PON2: variants seen among roughly 807,000 people sequenced by gnomAD.
PON2 encodes serum paraoxonase/arylesterase 2.
A neutral mutation model predicts 36.6 loss-of-function variants in PON2; 27 were observed. That is an observed-to-expected ratio of 0.74 (90% CI 0.54 to 1.02). PON2 has a LOEUF of 1.02. Among genes scored for constraint, PON2 ranks in the 50% least tolerant of loss-of-function variants. The probability of loss-of-function intolerance (pLI) is 0.00; values close to 1 mark genes in which losing one functional copy is unlikely to be tolerated. For missense variants in PON2, 363 were observed against 421.1 expected (o/e 0.86, Z 1.21); for synonymous variants, 149 against 156.3 (o/e 0.95, Z 0.35).
In PON2 at chr7:95,407,529, A is replaced by C. The variant is rs561105347; in HGVS notation, c.696-461T>G. ...TTAATACATAGCGAATTTTAAGAGT[A>C]AGAGATAAGTATCAATGCAGAATAA... On this transcript the variant is annotated intron_variant, in intron 6 of 8. Transcript: ENST00000222572. Among the ~76,000 whole-genome samples the C allele has an allele frequency of 1.9e-4, 29 of 152,340 alleles. No homozygotes were observed. The South Asian group carries it at 6.0e-3, about 32-fold the overall frequency.
chr7:95,424,597 A>G lies in PON2; in HGVS notation c.75-12T>C, dbSNP rs1391461548. ...CTTTAAGTCGATTTCTGTTACAAAG[A>G]AAAAAAAACAAAAAACAAAAAACTA... On this transcript the variant is annotated splice_polypyrimidine_tract_variant and intron_variant, in intron 1 of 8. Transcript: ENST00000222572. 8 of 1,595,626 alleles carry G rather than the reference A, an allele frequency of 5.0e-6. No individual in the cohort carries two copies. In the East Asian group the frequency reaches 6.7e-5, roughly 13 times the overall value.
Position 95,405,412 on chromosome 7 carries a change from T to C in PON2, c.983A>G (p.Gln328Arg), listed in dbSNP as rs1237910610. The C allele has an allele frequency of 1.9e-6, 3 of 1,613,804 alleles. No individual in the cohort carries two copies. Among genetic ancestry groups the C allele is most frequent in the Non-Finnish European group, 2.5e-6 (3 of 1,179,718 alleles). The change falls in exon 9 of 9, where the codon CAA becomes CGA. Residue 328 changes from glutamine to arginine, a missense_variant. Physicochemically the swap from Gln to Arg is conservative, Grantham distance 43 (BLOSUM62 1). Transcript: ENST00000222572. ...TVYANNGSVL[Q>R]GSSVASVYDG... ...ATACACTGAGGCTACAGAACTTCCT[T>C]GGAGAACAGACCCATTGTTGGCATA...
chr7:95,410,259 T>C (rs1039433909), intron 5 of PON2, among the ~76,000 whole-genome samples, 158 bp from the exon 6 acceptor site: 2 of 152,226 alleles, frequency 1.3e-5, no homozygotes, highest in African/African-American at 4.8e-5. Flanking sequence ...TACAATATAC[T>C]ATAATATTGT....
chr7:95,406,391 A>C, intron 7 of PON2, 144 bp from the exon 8 acceptor site: 6 of 896,984 alleles, frequency 6.7e-6, no homozygotes, highest in Non-Finnish European at 8.6e-6. Flanking sequence ...GCTTAAAAGG[A>C]ATGTATTAAA....
chr7:95,405,023 A>G lies in PON2; in HGVS notation c.*307T>C. On this transcript the variant is annotated 3_prime_UTR_variant, in exon 9 of 9. Transcript: ENST00000222572. Reference sequence around the variant, plus strand: ...ATTTTAAGGAAATATAATTCACTCTATTTCAGTGGAATCCATGTTCTGGCA... The same window carrying G: ...ATTTTAAGGAAATATAATTCACTCTGTTTCAGTGGAATCCATGTTCTGGCA... 3.1e-6 allele frequency: 1 copy of G among 321,458 alleles called. No homozygotes were observed. Among genetic ancestry groups the G allele is most frequent in the Non-Finnish European group, 6.0e-6 (1 of 166,510 alleles). 19.9% of individuals were successfully genotyped at this position (321,458 alleles called of 1,614,324 possible).
At chr7:95,427,627 T>C (rs10259688) in intron 1 of PON2, among the ~76,000 whole-genome samples, 26,477 of 152,160 alleles carry the variant, frequency 0.17, 2,422 homozygotes, top group East Asian at 0.31. Flanking sequence ...AATGAAAATA[T>C]ATGAAGAACC....
Position 95,412,160 on chromosome 7 carries a change from G to T in PON2, c.367+152C>A. 3.8e-6 allele frequency: 4 copies of T among 1,049,700 alleles called. No homozygotes were observed. In the Admixed American group the frequency reaches 8.5e-5, roughly 22 times the overall value. The allele number at this position is 1,049,700 out of a possible 1,614,324, so 65.0% of individuals were successfully genotyped here. A position where few individuals can be genotyped will look rare whatever the true frequency, so the allele number is the denominator to read the frequency against. On this transcript the variant is annotated intron_variant, in intron 4 of 8. Coordinates refer to ENST00000222572, the MANE Select transcript of PON2 (RefSeq NM_000305.3). ...GCATAACTTACTGCCAGCTGAAGAGGCAAATGAACAAGTTCTTTGTAATGA... is the reference window on the plus strand; with the variant it reads ...GCATAACTTACTGCCAGCTGAAGAGTCAAATGAACAAGTTCTTTGTAATGA...
At chr7:95,431,719 C>A (rs1243806383) in intron 1 of PON2, among the ~76,000 whole-genome samples, 1 of 152,010 alleles carries the variant, frequency 6.6e-6, no homozygotes, top group African/African-American at 2.4e-5. Context: ...TGTGTCCGGC[C>A]AAACATGCTC....
chr7:95,412,621 T>G, intron 3 of PON2, 144 bp from the exon 4 acceptor site: 1 of 788,964 alleles, frequency 1.3e-6, no homozygotes, highest in Non-Finnish European at 2.1e-6. Context: ...AGAGAAAAGA[T>G]AACAGAAAAA....
intron 5 of PON2, among the ~76,000 whole-genome samples, 165 bp from the exon 6 acceptor site, chr7:95,410,266 T>C (rs999679404): frequency 3.3e-5 from 5 of 152,244 alleles, no homozygotes; most frequent in South Asian, 2.1e-4. Flanking sequence ...TACTATAATA[T>C]TGTTGCCAGA....
rs764074732 is a variant in PON2 at position 95,405,432 on chromosome 7, G to A, written c.963C>T (p.Ala321=). ...TTCCTTGGAGAACAGACCCATTGTT[G>A]GCATAAACTGTAGTCACTGTAGGCT... ...SEKPTVTTVY[A]NNGSVLQGSS... The change falls in exon 9 of 9, where the codon GCC becomes GCT. Residue 321 remains alanine (A), a synonymous_variant. Coordinates refer to ENST00000222572, the MANE Select transcript of PON2 (RefSeq NM_000305.3). 2.5e-6 allele frequency: 4 copies of A among 1,613,530 alleles called. No individual in the cohort carries two copies. The highest frequency in any genetic ancestry group is 1.7e-6 in the Non-Finnish European group (2 of 1,179,538).
At chr7:95,417,682 T>C (rs1789095929) in intron 2 of PON2, among the ~76,000 whole-genome samples, 1 of 101,988 alleles carries the variant, frequency 9.8e-6, no homozygotes, top group African/African-American at 3.9e-5. Flanking sequence ...CATACACATG[T>C]ACACACAGAC....
intron 3 of PON2, among the ~76,000 whole-genome samples, chr7:95,414,741 C>T (rs1180851687): frequency 2.0e-5 from 3 of 152,206 alleles, no homozygotes; most frequent in African/African-American, 7.2e-5. Context: ...GTGGTTTTTC[C>T]TAAGCCACAC....
chr7:95,416,585 A>G, intron 2 of PON2: 1 of 441,880 alleles, frequency 2.3e-6, no homozygotes, highest in Non-Finnish European at 4.2e-6. Flanking sequence ...CACTCTCATG[A>G]TAAACATCCA....
chr7:95,434,761 C>T, intron 1 of PON2, 117 bp downstream of exon 1: 1 of 1,187,992 alleles, frequency 8.4e-7, no homozygotes, highest in Admixed American at 2.5e-5. Flanking sequence ...TTCTCCACCC[C>T]CGGCCGCAGG....
At chr7:95,413,642 T>C (rs576223083) in intron 3 of PON2, among the ~76,000 whole-genome samples, 28 of 152,358 alleles carry the variant, frequency 1.8e-4, no homozygotes, top group African/African-American at 6.3e-4. Context: ...TGATTCATCA[T>C]TACATTCTTA....
At chr7:95,415,883 C>T (rs1789051022) in intron 3 of PON2, 2 of 227,210 alleles carry the variant, frequency 8.8e-6, no homozygotes, top group South Asian at 1.3e-4. Flanking sequence ...ACCCGGGAGG[C>T]GGAGGTTGCA....
chr7:95,426,006 C>A (rs1789308132), intron 1 of PON2, among the ~76,000 whole-genome samples: 1 of 151,922 alleles, frequency 6.6e-6, no homozygotes, highest in African/African-American at 2.4e-5. Context: ...AGCTAGAAAA[C>A]CAAATACTGC....
At chr7:95,406,933 T>A in intron 7 of PON2, 54 bp downstream of exon 7, 1 of 1,107,258 alleles carries the variant, frequency 9.0e-7, no homozygotes, top group Non-Finnish European at 1.3e-6. Context: ...AGAAAAACTA[T>A]GTCATTGCAA....
Sources: allele counts gnomAD v4.1 joint callset (sites outside exome capture counted in the v4.1 genomes callset), GRCh38; gene constraint gnomAD v4.1.1; transcripts MANE v1.5; gene names NCBI Gene and HGNC (gene_info 2026-07-23, HGNC 2026-07-21).